KCTD1: variants seen among roughly 807,000 people sequenced by gnomAD.
KCTD1 encodes the protein potassium channel tetramerization domain containing 1, also known as BTB/POZ domain-containing protein KCTD1.
In KCTD1, 24 loss-of-function variants were observed where a neutral mutation model predicts 66.0. The ratio of observed to expected loss-of-function variants is 0.36; its 90% confidence interval spans 0.26 to 0.51. The LOEUF (loss-of-function observed/expected upper bound fraction) is 0.51. Ranked by LOEUF, KCTD1 falls within the 20% of genes least tolerant of loss-of-function variation. The pLI, the probability that KCTD1 is intolerant of heterozygous loss-of-function variation, is 0.95. For synonymous variants in KCTD1, 511 were observed against 517.2 expected (o/e 0.99, Z 0.16); for missense variants, 943 against 1,205.2 (o/e 0.78, Z 3.22).
intron 1 of KCTD1, among the ~76,000 whole-genome samples, chr18:26,519,617 A>G (rs990250156): frequency 1.1e-4 from 17 of 152,294 alleles, no homozygotes; most frequent in African/African-American, 3.8e-4. Context: ...AAATTCCATC[A>G]CTGGAATTAT....
intron 3 of KCTD1, chr18:26,460,949 G>C (rs1024083363): frequency 6.6e-6 from 1 of 152,218 alleles, no homozygotes; most frequent in Non-Finnish European, 1.5e-5. Context: ...TACTTGTCTA[G>C]ACATGTTGAC....
intron 1 of KCTD1, among the ~76,000 whole-genome samples, chr18:26,607,123 C>T (rs1319986949): frequency 6.6e-6 from 1 of 152,164 alleles, no homozygotes; most frequent in Non-Finnish European, 1.5e-5. Context: ...TCACCTCTGA[C>T]TCCTGGGCTC....
chr18:26,587,586 T>C (rs1986498942), intron 1 of KCTD1, among the ~76,000 whole-genome samples: 1 of 152,216 alleles, frequency 6.6e-6, no homozygotes, highest in Admixed American at 6.5e-5. Context: ...CAAAGTAAAC[T>C]GAAAATATTC....
chr18:26,637,661 A>C (rs1476146715), intron 1 of KCTD1, among the ~76,000 whole-genome samples: 1 of 152,208 alleles, frequency 6.6e-6, no homozygotes, highest in Non-Finnish European at 1.5e-5. Flanking sequence ...AAGATTCCAG[A>C]ACACAAAAGA....
intron 1 of KCTD1, among the ~76,000 whole-genome samples, chr18:26,561,793 T>C (rs1176232676): frequency 6.6e-6 from 1 of 152,086 alleles, no homozygotes; most frequent in African/African-American, 2.4e-5. Context: ...AGTCTCTCTT[T>C]CTCTAGGAAT....
At chr18:26,591,743 A>G (rs1183053366) in intron 1 of KCTD1, among the ~76,000 whole-genome samples, 1 of 152,178 alleles carries the variant, frequency 6.6e-6, no homozygotes, top group East Asian at 1.9e-4. Context: ...CAATCTTGGG[A>G]CACTAAATTA....
At chr18:26,512,922 A>T (rs1020333806) in intron 1 of KCTD1, among the ~76,000 whole-genome samples, 1 of 152,034 alleles carries the variant, frequency 6.6e-6, no homozygotes, top group African/African-American at 2.4e-5. Context: ...TGGAGGCTGT[A>T]GTGGGCTGAA....
chr18:26,515,761 C>T (rs1259694692), intron 1 of KCTD1, among the ~76,000 whole-genome samples: 5 of 152,058 alleles, frequency 3.3e-5, no homozygotes, highest in Admixed American at 6.5e-5. Flanking sequence ...CCACCCACCT[C>T]GGCCTCCCAA....
intron 1 of KCTD1, among the ~76,000 whole-genome samples, chr18:26,505,521 C>T (rs1042777654): frequency 1.3e-5 from 2 of 152,212 alleles, no homozygotes; most frequent in African/African-American, 2.4e-5. Context: ...CTGCTCCTCC[C>T]CTGTGCAGCC....
chr18:26,510,166 T>C (rs1983263694), intron 1 of KCTD1, among the ~76,000 whole-genome samples: 1 of 152,166 alleles, frequency 6.6e-6, no homozygotes, highest in Admixed American at 6.5e-5. Context: ...GTGCTTTGCA[T>C]TGATGTAACA....
chr18:26,642,152 A>T (rs1987846072), upstream of KCTD1, among the ~76,000 whole-genome samples: 1 of 151,906 alleles, frequency 6.6e-6, no homozygotes. Flanking sequence ...CTTTGTGGGG[A>T]TGTGACAGAC....
intron 4 of KCTD1, chr18:26,458,371 G>C (rs1980216740): frequency 6.6e-6 from 1 of 152,194 alleles, no homozygotes. Flanking sequence ...GCTTTGGGAA[G>C]GGTTCTGCTG....
chr18:26,554,030 AAAGG>A (rs1244625247), intron 1 of KCTD1, among the ~76,000 whole-genome samples: 1 of 151,676 alleles, frequency 6.6e-6, no homozygotes, highest in Non-Finnish European at 1.5e-5. Flanking sequence ...GAAAGAAAAG[AAAGG>A]AAGGAAAGAA....
intron 1 of KCTD1, among the ~76,000 whole-genome samples, chr18:26,540,863 T>G (rs1415219958): frequency 6.6e-6 from 1 of 152,218 alleles, no homozygotes; most frequent in Admixed American, 6.5e-5. Context: ...AGCAGTGTTT[T>G]GACTGCAGGG....
intron 2 of KCTD1, among the ~76,000 whole-genome samples, chr18:26,493,652 T>C (rs1319553193): frequency 6.6e-6 from 1 of 152,232 alleles, no homozygotes; most frequent in African/African-American, 2.4e-5. Context: ...AACCACATCA[T>C]GGAGAATGGG....
At chr18:26,479,318 T>G (rs2144609703) in intron 2 of KCTD1, among the ~76,000 whole-genome samples, 1 of 151,606 alleles carries the variant, frequency 6.6e-6, no homozygotes, top group East Asian at 2.0e-4. Flanking sequence ...AGAGGAAACC[T>G]AGCCAGGGAA....
intron 2 of KCTD1, 100 bp downstream of exon 2, chr18:26,500,972 C>T (rs1210915902): frequency 7.6e-6 from 10 of 1,321,944 alleles, no homozygotes; most frequent in Middle Eastern, 2.8e-4. Context: ...CACATCCTGC[C>T]CCCTGCCTCC....
At position 26,648,759 on chromosome 18, in the gene KCTD1, G is replaced by A. The variant is rs1479181754; in HGVS notation, c.9+8601C>T. The stretch of plus-strand genomic sequence containing the variant: ...TGGAGACTAAGAGCAAAGACTGGAA[G>A]CTTGAATGCACAGATCAACTCCTGG... On this transcript the variant is annotated intron_variant, in intron 1 of 4. Coordinates refer to the KCTD1 transcript ENST00000580191. 3.3e-5 allele frequency among the ~76,000 whole-genome samples: 5 copies of A among 152,196 alleles called. No individual in the cohort carries two copies. The South Asian group carries it at 1.0e-3, about 32-fold the overall frequency.
chr18:26,637,757 C>G (rs1318978225), intron 1 of KCTD1, among the ~76,000 whole-genome samples: 1 of 152,238 alleles, frequency 6.6e-6, no homozygotes, highest in African/African-American at 2.4e-5. Flanking sequence ...TTGGGGTCCA[C>G]TGACCTGGGC....
Sources: allele counts gnomAD v4.1 joint callset (sites outside exome capture counted in the v4.1 genomes callset), GRCh38; gene constraint gnomAD v4.1.1; transcripts MANE v1.5; gene names NCBI Gene and HGNC (gene_info 2026-07-23, HGNC 2026-07-21).